The following SGPP2 variants were observed in gnomAD, a reference collection of about 807,000 sequenced individuals.
The protein encoded by SGPP2 is sphingosine-1-phosphate phosphatase 2, also known as sphingosine 1-phosphate phosphohydrolase 2.
In SGPP2, 30 loss-of-function variants were observed where a neutral mutation model predicts 33.9. The ratio of observed to expected loss-of-function variants is 0.89; its 90% CI spans 0.66 to 1.20. The LOEUF is 1.20. Among genes scored for constraint, SGPP2 ranks in the 50% most tolerant of loss-of-function variants. The pLI, the probability that SGPP2 is intolerant of heterozygous loss-of-function variation, is 0.00. For missense variants in SGPP2, 458 were observed against 532.1 expected (o/e 0.86, Z 1.37); for synonymous variants, 233 against 225.0 (o/e 1.04, Z -0.32).
chr2:222,476,389 T>C lies in SGPP2; in HGVS notation c.378+1663T>C, dbSNP rs1697933099. 6.6e-6 allele frequency among the ~76,000 whole-genome samples: 1 copy of C among 152,152 alleles called. No individual in the cohort carries two copies. Among genetic ancestry groups the C allele is most frequent in the Non-Finnish European group, 1.5e-5 (1 of 68,012 alleles). ...GGACTAGGGAGCAACTGCCCCTGGC[T>C]CCACCTGGGACTTCAAATCCCTGTC... On this transcript the variant is annotated intron_variant, in intron 2 of 4. Coordinates refer to ENST00000321276, the MANE Select transcript of SGPP2 (RefSeq NM_152386.4). This position sits in a 1 kb window ranked among gnomAD's most constrained non-coding sequence, Gnocchi z 4.3.
At position 222,477,451 on chromosome 2, in the gene SGPP2, A is replaced by G. The variant is rs1697962486; in HGVS notation, c.378+2725A>G. ...TATATATGTGTGAATGTATGTATATAGGTGTGTATATATGTGTATGCATGT... is the reference window on the plus strand; with the variant it reads ...TATATATGTGTGAATGTATGTATATGGGTGTGTATATATGTGTATGCATGT... On this transcript the variant is annotated intron_variant, in intron 2 of 4. Coordinates refer to ENST00000321276, the MANE Select transcript of SGPP2 (RefSeq NM_152386.4). This position sits in a 1 kb window ranked among gnomAD's most constrained non-coding sequence, Gnocchi z 6.0. Among the ~76,000 whole-genome samples the G allele has an allele frequency of 6.6e-6, 1 of 151,780 alleles. No individual in the cohort carries two copies. Among genetic ancestry groups the G allele is most frequent in the African/African-American group, 2.4e-5 (1 of 41,256 alleles).
chr2:222,452,856 G>C, intron 1 of SGPP2: 1 of 1,608,130 alleles, frequency 6.2e-7, no homozygotes. Context: ...CCACCTCTTA[G>C]ATTTCATTCT....
At chr2:222,553,919 C>T (rs770050995) in intron 4 of SGPP2, among the ~76,000 whole-genome samples, 7 of 152,112 alleles carry the variant, frequency 4.6e-5, no homozygotes, top group Non-Finnish European at 8.8e-5. Flanking sequence ...CTCCTCCACT[C>T]AGAATTCTTA....
chr2:222,549,125 C>T (rs1003530345), intron 4 of SGPP2, among the ~76,000 whole-genome samples: 2 of 152,234 alleles, frequency 1.3e-5, no homozygotes, highest in African/African-American at 4.8e-5. Flanking sequence ...AGTCCCTTCA[C>T]ATTCTCAGCA....
intron 1 of SGPP2, among the ~76,000 whole-genome samples, chr2:222,447,626 C>T (rs1244050275): frequency 1.3e-5 from 2 of 152,144 alleles, no homozygotes; most frequent in Non-Finnish European, 2.9e-5. Context: ...ACAGATTGTT[C>T]CATTTGAAGG....
At chr2:222,461,944 A>G (rs949567109) in intron 1 of SGPP2, among the ~76,000 whole-genome samples, 3 of 152,158 alleles carry the variant, frequency 2.0e-5, no homozygotes, top group Admixed American at 6.5e-5. Context: ...CTTCCAAAGT[A>G]TAGAGAACTT....
intron 4 of SGPP2, among the ~76,000 whole-genome samples, chr2:222,525,323 C>T (rs201175526): frequency 2.7e-4 from 41 of 152,210 alleles, no homozygotes; most frequent in African/African-American, 6.0e-4. Context: ...AGTTTACTGA[C>T]GATGCAGCAA....
rs115427884 is a variant in SGPP2, at chr2:222,555,029, C to A, written c.649-3318C>A. 7.7e-3 allele frequency among the ~76,000 whole-genome samples: 1,171 copies of A among 151,888 alleles called. 26 individuals are homozygous for A. The highest frequency in any genetic ancestry group is 0.027 in the African/African-American group (1,126 of 41,424). On this transcript the variant is annotated intron_variant, in intron 4 of 4. Transcript: ENST00000321276. Reference sequence around the variant, plus strand: ...TCACAACATCCCCCCCACCCTGAAACCCCTAGGCAACTGCTAATCAATTCT... The same window carrying A: ...TCACAACATCCCCCCCACCCTGAAAACCCTAGGCAACTGCTAATCAATTCT...
chr2:222,460,306 C>G lies in SGPP2; in HGVS notation c.220-14262C>G, dbSNP rs1041607002. Among the ~76,000 whole-genome samples, 28 of 152,104 alleles carry G rather than the reference C, an allele frequency of 1.8e-4. No individual in the cohort carries two copies. The highest frequency in any genetic ancestry group is 6.3e-4 in the African/African-American group (26 of 41,404). ...TCTTCCAGGATGGCCCATGAGACTCCCTGAGTACCCAGCTGTTATTTCAGA... is the reference window on the plus strand; with the variant it reads ...TCTTCCAGGATGGCCCATGAGACTCGCTGAGTACCCAGCTGTTATTTCAGA... On this transcript the variant is annotated intron_variant, in intron 1 of 4. Coordinates refer to ENST00000321276, the MANE Select transcript of SGPP2 (RefSeq NM_152386.4). This position sits in a 1 kb window ranked among gnomAD's most constrained non-coding sequence, Gnocchi z 4.3.
chr2:222,497,991 G>T (rs941590017), intron 2 of SGPP2, among the ~76,000 whole-genome samples: 2 of 152,188 alleles, frequency 1.3e-5, no homozygotes, highest in African/African-American at 2.4e-5. Context: ...CTGTGGAGGA[G>T]TAAGAGAAGC....
chr2:222,521,235 C>G (rs17497942), intron 2 of SGPP2, among the ~76,000 whole-genome samples: 51,824 of 152,140 alleles, frequency 0.34, 9,208 homozygotes, highest in Middle Eastern at 0.49. Context: ...AATTTGAAAA[C>G]AAGTGCTGCC....
intron 1 of SGPP2, among the ~76,000 whole-genome samples, chr2:222,455,570 A>G (rs1697560872): frequency 6.6e-6 from 1 of 152,176 alleles, no homozygotes; most frequent in South Asian, 2.1e-4. Flanking sequence ...TCTGAGTGTG[A>G]TTGGGAGCCA....
intron 2 of SGPP2, among the ~76,000 whole-genome samples, chr2:222,509,509 G>C (rs1298438547): frequency 2.0e-5 from 3 of 152,172 alleles, no homozygotes; most frequent in Non-Finnish European, 2.9e-5. Flanking sequence ...GTGTACTTAT[G>C]GTTGTGAGTA....
In SGPP2 at chr2:222,468,630, C is replaced by T. The variant is rs540642465; in HGVS notation, c.220-5938C>T. Among the ~76,000 whole-genome samples, 23 of 142,580 alleles carry T rather than the reference C, an allele frequency of 1.6e-4. No homozygotes were observed. The East Asian group carries it at 3.2e-3, about 20-fold the overall frequency. 93.5% of individuals were successfully genotyped at this position (142,580 alleles called of 152,430 possible). ...GATCAGCCCTTATTATGTCCAGTGG[C>T]GCTGACCTGGGTATATTTCCTTTGC... On this transcript the variant is annotated intron_variant, in intron 1 of 4. Transcript: ENST00000321276.
intron 1 of SGPP2, among the ~76,000 whole-genome samples, chr2:222,429,861 G>T (rs893660658): frequency 6.6e-6 from 1 of 152,144 alleles, no homozygotes; most frequent in African/African-American, 2.4e-5. Context: ...CACTACGAGG[G>T]CAGGTTTTCC....
At chr2:222,510,614 G>A (rs887293198) in intron 2 of SGPP2, among the ~76,000 whole-genome samples, 7 of 152,128 alleles carry the variant, frequency 4.6e-5, no homozygotes, top group African/African-American at 1.4e-4. Context: ...AAGATATTGG[G>A]ATCTTTCAAT....
intron 2 of SGPP2, among the ~76,000 whole-genome samples, chr2:222,481,616 A>G (rs897443453): frequency 6.6e-6 from 1 of 152,154 alleles, no homozygotes; most frequent in African/African-American, 2.4e-5. Flanking sequence ...CACAGACCTC[A>G]CCATTCCCTT....
At chr2:222,447,572 C>G (rs1227919918) in intron 1 of SGPP2, among the ~76,000 whole-genome samples, 1 of 152,050 alleles carries the variant, frequency 6.6e-6, no homozygotes, top group Non-Finnish European at 1.5e-5. Context: ...TGTTGCAGAA[C>G]CATAGAGGGA....
chr2:222,521,886 C>T lies in SGPP2; in HGVS notation c.498C>T (p.His166=), dbSNP rs767600431. 55 of 1,608,178 alleles carry T rather than the reference C, an allele frequency of 3.4e-5. 2 individuals are homozygous for T. Among genetic ancestry groups the T allele is most frequent in the Middle Eastern group, 3.3e-4 (2 of 6,064 alleles). Residue 166 remains histidine, a synonymous_variant, in exon 3 of 5, where the codon CAC becomes CAT. Transcript: ENST00000321276. ...CTGAATATGGAATGCCATCCACCCA[C>T]GCCATGGCGGCCACTGCCATTGCCT... ...LIAEYGMPST[H]AMAATAIAFT... is the part of the protein sequence containing the mutation.
Sources: allele counts gnomAD v4.1 joint callset (sites outside exome capture counted in the v4.1 genomes callset), GRCh38; gene constraint gnomAD v4.1.1; non-coding constraint Gnocchi (gnomAD v3.1); transcripts MANE v1.5; gene names NCBI Gene and HGNC (gene_info 2026-07-23, HGNC 2026-07-21).